Variants in NTRK3 observed in about 807,000 individuals in gnomAD.
The protein encoded by NTRK3 is neurotrophic receptor tyrosine kinase 3.
NTRK3 carries 24 observed loss-of-function variants against 91.7 expected under a neutral mutation model. That is an observed-to-expected ratio of 0.26 (90% CI 0.19 to 0.37). The LOEUF (loss-of-function observed/expected upper bound fraction) is 0.37. Ranked by LOEUF, NTRK3 falls within the 10% of genes least tolerant of loss-of-function variation. The pLI is 1.00. For missense variants in NTRK3, 880 were observed against 1,068.9 expected (o/e 0.82, Z 2.46); for synonymous variants, 483 against 404.0 (o/e 1.20, Z -2.34).
At chr15:87,876,289 T>G in exon 19 of NTRK3, 2 of 231,418 alleles carry the variant, frequency 8.6e-6, no homozygotes, top group Non-Finnish European at 1.7e-5. Flanking sequence ...AGATTACACT[T>G]TTTAGAATGG....
At chr15:87,987,838 C>T (rs1031984629) in intron 14 of NTRK3, among the ~76,000 whole-genome samples, 1 of 151,784 alleles carries the variant, frequency 6.6e-6, no homozygotes, top group African/African-American at 2.4e-5. Flanking sequence ...GATCGTGACA[C>T]TGCACTCCAG....
In NTRK3 at chr15:88,127,233, A is replaced by G. The variant is rs369180962; in HGVS notation, c.1229-7T>C. On this transcript the variant is annotated splice_polypyrimidine_tract_variant and splice_region_variant and intron_variant, in intron 11 of 18. Coordinates refer to ENST00000394480, the Ensembl canonical transcript of NTRK3. ...GTGGGACTCACTTCGTCAACTGAAAACCAAACACAAAAAGGAGGAGGACAG... is the reference window on the plus strand; with the variant it reads ...GTGGGACTCACTTCGTCAACTGAAAGCCAAACACAAAAAGGAGGAGGACAG... 10 of 1,613,596 alleles carry G rather than the reference A, an allele frequency of 6.2e-6. No individual in the cohort carries two copies. In the African/African-American group the frequency reaches 1.3e-4, roughly 22 times the overall value.
intron 13 of NTRK3, among the ~76,000 whole-genome samples, chr15:88,108,130 G>C (rs966137791): frequency 6.6e-6 from 1 of 152,156 alleles, no homozygotes; most frequent in African/African-American, 2.4e-5. Context: ...GGTTCTGAAA[G>C]ATATGCCATT....
intron 13 of NTRK3, among the ~76,000 whole-genome samples, chr15:88,084,340 A>C (rs1268831288): frequency 6.6e-6 from 1 of 152,164 alleles, no homozygotes; most frequent in African/African-American, 2.4e-5. Flanking sequence ...AAGCAGGGTT[A>C]GGCTAGTTCA....
intron 5 of NTRK3, among the ~76,000 whole-genome samples, chr15:88,154,865 G>A (rs183219011): frequency 6.6e-6 from 1 of 152,210 alleles, no homozygotes; most frequent in Non-Finnish European, 1.5e-5. Flanking sequence ...AGAAGGACCT[G>A]GCAAACTGTG....
chr15:87,982,406 G>C (rs938440221), intron 14 of NTRK3, among the ~76,000 whole-genome samples: 1 of 152,254 alleles, frequency 6.6e-6, no homozygotes, highest in Middle Eastern at 3.4e-3. Context: ...CAAATCAAAG[G>C]CATTTCCAAA....
chr15:88,024,302 A>G (rs1219021794), intron 14 of NTRK3, among the ~76,000 whole-genome samples: 1 of 152,218 alleles, frequency 6.6e-6, no homozygotes, highest in Non-Finnish European at 1.5e-5. Flanking sequence ...AGGGGAATGC[A>G]TCAAGCAGTT....
intron 14 of NTRK3, among the ~76,000 whole-genome samples, chr15:87,954,245 G>A (rs1055757530): frequency 1.3e-5 from 2 of 151,974 alleles, no homozygotes; most frequent in African/African-American, 2.4e-5. Flanking sequence ...TTCCAACTAG[G>A]GGATATATGT....
intron 13 of NTRK3, among the ~76,000 whole-genome samples, chr15:88,081,454 C>T (rs955701474): frequency 6.6e-6 from 1 of 152,210 alleles, no homozygotes; most frequent in Non-Finnish European, 1.5e-5. Context: ...CAACCAGAGC[C>T]CAGACATGCT....
chr15:88,020,913 C>G lies in NTRK3; in HGVS notation c.1585+11944G>C, dbSNP rs139667470. On this transcript the variant is annotated intron_variant, in intron 14 of 18. Transcript: ENST00000394480. Reference sequence around the variant, plus strand: ...AAATAAGATGTTTTGACCTTCCCAACAATTGTTTGGAAACAGTGACTTTGA... The same window carrying G: ...AAATAAGATGTTTTGACCTTCCCAAGAATTGTTTGGAAACAGTGACTTTGA... Among the ~76,000 whole-genome samples the G allele has an allele frequency of 2.2e-4, 33 of 152,360 alleles. 1 individual carries two copies. In the East Asian group the frequency reaches 6.2e-3, roughly 28 times the overall value.
At chr15:88,036,635 G>A (rs1445144840) in intron 13 of NTRK3, among the ~76,000 whole-genome samples, 3 of 152,160 alleles carry the variant, frequency 2.0e-5, no homozygotes, top group Non-Finnish European at 4.4e-5. Context: ...TGTCTGGAGC[G>A]AGAGATTACA....
chr15:87,913,856 T>G (rs1323629616), intron 17 of NTRK3, among the ~76,000 whole-genome samples: 1 of 152,234 alleles, frequency 6.6e-6, no homozygotes, highest in African/African-American at 2.4e-5. Context: ...CTATCATGGC[T>G]GCATTGTGCC....
chr15:88,075,074 T>G (rs1486257544), intron 13 of NTRK3, among the ~76,000 whole-genome samples: 1 of 152,188 alleles, frequency 6.6e-6, no homozygotes, highest in East Asian at 1.9e-4. Context: ...ATTTCCACCT[T>G]AAACAATATC....
At chr15:88,114,403 A>G (rs2051801959) in intron 13 of NTRK3, among the ~76,000 whole-genome samples, 2 of 152,266 alleles carry the variant, frequency 1.3e-5, no homozygotes, top group South Asian at 4.1e-4. Context: ...GTATAAAAAT[A>G]TTTTCTCTTT....
At chr15:87,897,083 C>G (rs1039922507) in intron 17 of NTRK3, among the ~76,000 whole-genome samples, 56 of 152,242 alleles carry the variant, frequency 3.7e-4, no homozygotes, top group African/African-American at 1.3e-3. Flanking sequence ...TCAGTCTGAG[C>G]CTCTAGCCCC....
intron 10 of NTRK3, among the ~76,000 whole-genome samples, chr15:88,130,792 C>A (rs941236381): frequency 9.2e-5 from 14 of 152,174 alleles, no homozygotes; most frequent in Admixed American, 6.5e-5. Flanking sequence ...AGGAACTCAA[C>A]GCAGTGTGTA....
At chr15:87,903,297 G>A (rs540947693) in intron 17 of NTRK3, among the ~76,000 whole-genome samples, 1 of 152,348 alleles carries the variant, frequency 6.6e-6, no homozygotes, top group African/African-American at 2.4e-5. Flanking sequence ...CGGAAGCAAA[G>A]GGACTTGACC....
chr15:88,256,456 T>C (rs1189340772), exon 2 of NTRK3: 1 of 526,746 alleles, frequency 1.9e-6, no homozygotes, highest in Non-Finnish European at 3.3e-6. Context: ...CCGGGGGCTC[T>C]GGAAGCGAGG....
chr15:88,105,454 C>G (rs2050602017), intron 13 of NTRK3, among the ~76,000 whole-genome samples: 1 of 152,100 alleles, frequency 6.6e-6, no homozygotes, highest in Non-Finnish European at 1.5e-5. Context: ...AAGAGAGGAT[C>G]AGAAAGAACA....
Sources: gnomAD v4.1 joint callset for allele counts (sites outside exome capture counted in the v4.1 genomes callset) on GRCh38, gnomAD v4.1.1 for gene constraint, MANE v1.5 for transcripts, NCBI Gene and HGNC (gene_info 2026-07-23, HGNC 2026-07-21) for gene names.